CNOT2: variants seen among roughly 807,000 people sequenced by gnomAD.
CNOT2 encodes the protein CC chemokine receptor 4-negative regulator of transcription 2.
A neutral mutation model predicts 72.1 loss-of-function variants in CNOT2; 7 were observed. The observed-to-expected ratio is 0.10, with a 90% CI of 0.06 to 0.18. The LOEUF (loss-of-function observed/expected upper bound fraction) is 0.18. Among genes scored for constraint, CNOT2 ranks in the 10% least tolerant of loss-of-function variants. The pLI is 1.00. For missense variants in CNOT2, 345 were observed against 660.3 expected (o/e 0.52, Z 5.23); for synonymous variants, 196 against 225.6 (o/e 0.87, Z 1.17).
At chr12:70,299,553 T>A (rs1471443309) in intron 2 of CNOT2, among the ~76,000 whole-genome samples, 1 of 152,160 alleles carries the variant, frequency 6.6e-6, no homozygotes, top group Non-Finnish European at 1.5e-5. Flanking sequence ...GGACATGAAC[T>A]CATCCTTTTT....
intron 4 of CNOT2, chr12:70,323,043 G>A (rs905559076): frequency 6.6e-6 from 1 of 151,472 alleles, no homozygotes; most frequent in African/African-American, 2.4e-5. Context: ...GACTTTTAGG[G>A]AGCAAATTCT....
chr12:70,253,178 G>T (rs192861891), intron 1 of CNOT2, among the ~76,000 whole-genome samples: 1 of 152,142 alleles, frequency 6.6e-6, no homozygotes, highest in African/African-American at 2.4e-5. Context: ...GTGTTAAGTG[G>T]GATAAATCTA....
chr12:70,327,312 A>G (rs530786268), intron 4 of CNOT2, among the ~76,000 whole-genome samples: 10 of 152,040 alleles, frequency 6.6e-5, no homozygotes, highest in African/African-American at 2.4e-4. Context: ...TTTAGAAAAA[A>G]GGTTGAGGGA....
chr12:70,303,209 C>T (rs968416787), intron 2 of CNOT2, among the ~76,000 whole-genome samples: 12 of 152,118 alleles, frequency 7.9e-5, no homozygotes, highest in African/African-American at 2.2e-4. Flanking sequence ...GCATATAGCC[C>T]GTTCACATTT....
chr12:70,299,135 C>G (rs116089373), intron 2 of CNOT2, among the ~76,000 whole-genome samples: 4 of 152,042 alleles, frequency 2.6e-5, no homozygotes. Context: ...GGAGCAGTCA[C>G]GTCTCACATG....
chr12:70,345,859 A>T (rs540162011), intron 14 of CNOT2: 9 of 191,304 alleles, frequency 4.7e-5, no homozygotes, highest in Non-Finnish European at 8.4e-5. Flanking sequence ...TTTGCAACAC[A>T]TTGTGTCTTT....
intron 2 of CNOT2, among the ~76,000 whole-genome samples, chr12:70,307,270 A>G (rs969641344): frequency 2.0e-5 from 3 of 152,204 alleles, no homozygotes; most frequent in African/African-American, 7.2e-5. Flanking sequence ...TTAATTTTTT[A>G]AAATCTTTTG....
At chr12:70,325,440 A>G (rs1464128782) in intron 4 of CNOT2, among the ~76,000 whole-genome samples, 1 of 151,874 alleles carries the variant, frequency 6.6e-6, no homozygotes, top group Non-Finnish European at 1.5e-5. Context: ...CCATTAAAAA[A>G]TGGAAAATGA....
intron 2 of CNOT2, among the ~76,000 whole-genome samples, chr12:70,283,155 TTCTC>T (rs763803501): frequency 6.6e-6 from 1 of 152,200 alleles, no homozygotes; most frequent in African/African-American, 2.4e-5. Context: ...TTGAACATGT[TTCTC>T]TCTCTGAAGT....
At chr12:70,337,712 A>G (rs879136353) in intron 9 of CNOT2, 199 bp downstream of exon 9, 1 of 614,686 alleles carries the variant, frequency 1.6e-6, no homozygotes, top group South Asian at 1.6e-5. Flanking sequence ...AGGTTTGCAA[A>G]TTTCTGTTGA....
At chr12:70,251,378 G>A (rs1243064628) in intron 1 of CNOT2, among the ~76,000 whole-genome samples, 1 of 152,138 alleles carries the variant, frequency 6.6e-6, no homozygotes, top group Non-Finnish European at 1.5e-5. Flanking sequence ...CATTGTAAAT[G>A]CACAAATCCT....
In CNOT2 at chr12:70,331,864, CAGA is replaced by C. The variant is rs370311404; in HGVS notation, c.570-898_570-896del. On this transcript the variant is annotated intron_variant, in intron 6 of 15. Coordinates refer to ENST00000229195, the MANE Select transcript of CNOT2 (RefSeq NM_014515.7). ...CATTGATACACTAAGTGCCTTTTAT[CAGA>C]AGAATATATGACATTAAAGACATGT... Among the ~76,000 whole-genome samples, 19 of 151,900 alleles carry C rather than the reference CAGA, an allele frequency of 1.3e-4. No homozygotes were observed. The East Asian group carries it at 3.5e-3, about 28-fold the overall frequency.
chr12:70,296,987 T>C (rs1014645816), intron 2 of CNOT2, among the ~76,000 whole-genome samples: 13 of 152,184 alleles, frequency 8.5e-5, no homozygotes, highest in African/African-American at 2.9e-4. Context: ...TATCATGTTT[T>C]CCCTCTAAAG....
intron 2 of CNOT2, among the ~76,000 whole-genome samples, chr12:70,301,296 G>A (rs1035057505): frequency 2.6e-5 from 4 of 152,142 alleles, no homozygotes; most frequent in Admixed American, 6.5e-5. Flanking sequence ...CTTCTCTTGT[G>A]CCAGTTTTCA....
chr12:70,250,058 C>T (rs1396483966), intron 1 of CNOT2, among the ~76,000 whole-genome samples: 1 of 152,094 alleles, frequency 6.6e-6, no homozygotes, highest in Non-Finnish European at 1.5e-5. Context: ...AACCTGACAT[C>T]TGAGATAGTC....
intron 15 of CNOT2, among the ~76,000 whole-genome samples, chr12:70,348,820 T>C (rs1882522353): frequency 6.6e-6 from 1 of 151,948 alleles, no homozygotes; most frequent in East Asian, 1.9e-4. Flanking sequence ...TAAAGAAAAT[T>C]GTATCTATTT....
At chr12:70,303,242 A>C (rs575033186) in intron 2 of CNOT2, among the ~76,000 whole-genome samples, 1 of 152,234 alleles carries the variant, frequency 6.6e-6, no homozygotes, top group African/African-American at 2.4e-5. Context: ...GTTATGTGTG[A>C]ATTTGATCCT....
At chr12:70,283,134 G>A (rs969576913) in intron 2 of CNOT2, among the ~76,000 whole-genome samples, 2 of 151,992 alleles carry the variant, frequency 1.3e-5, no homozygotes, top group Non-Finnish European at 1.5e-5. Flanking sequence ...TTATTGTTAA[G>A]TGGCACATTA....
chr12:70,319,237 G>A, intron 3 of CNOT2, 61 bp from the exon 4 acceptor site: 1 of 1,368,582 alleles, frequency 7.3e-7, no homozygotes, highest in Middle Eastern at 1.9e-4. Flanking sequence ...GATTTGTGGA[G>A]TGTAAATGCA....
Sources: gnomAD v4.1 joint callset for allele counts (sites outside exome capture counted in the v4.1 genomes callset) on GRCh38, gnomAD v4.1.1 for gene constraint, MANE v1.5 for transcripts, NCBI Gene and HGNC (gene_info 2026-07-23, HGNC 2026-07-21) for gene names.